The following ZNF701 variants were observed in gnomAD, a reference collection of about 807,000 sequenced individuals.
ZNF701 encodes the protein zinc finger protein 701.
In ZNF701, 6 loss-of-function variants were observed where a neutral mutation model predicts 7.1. The observed-to-expected ratio is 0.84, with a 90% CI of 0.46 to 1.66. ZNF701 has a LOEUF of 1.66. Ranked by LOEUF, ZNF701 falls within the 40% of genes most tolerant of loss-of-function variation. The pLI is 0.01. For missense variants in ZNF701, 541 were observed against 559.2 expected (o/e 0.97, Z 0.33); for synonymous variants, 166 against 188.2 (o/e 0.88, Z 0.97).
At chr19:52,599,112 C>A in the ZNF701 span, among the ~76,000 whole-genome samples, 1 of 151,972 alleles carries the variant, frequency 6.6e-6, no homozygotes, top group African/African-American at 2.4e-5. Context: ...ACCACAACCT[C>A]CGTCTCCCGA....
chr19:52,587,604 T>A (rs776373414), downstream of ZNF701, among the ~76,000 whole-genome samples: 20 of 152,244 alleles, frequency 1.3e-4, no homozygotes, highest in Non-Finnish European at 2.2e-4. Context: ...TGTTGCCTGT[T>A]CTGTGTGATT....
Position 52,583,294 on chromosome 19 carries a change from G to C in ZNF701, c.1235G>C (p.Cys412Ser). 1.2e-6 allele frequency: 2 copies of C among 1,613,822 alleles called. No individual in the cohort carries two copies. Among genetic ancestry groups the C allele is most frequent in the Non-Finnish European group, 1.7e-6 (2 of 1,179,846 alleles). The change falls in exon 4 of 4, where the codon TGT becomes TCT. Residue 412 changes from cysteine to serine, a missense_variant. Transcript: ENST00000391785. ...VIHTGEKRYK[C>S]NECGKVFNHK... Reference sequence around the variant, plus strand: ...CATACTGGAGAGAAACGTTACAAGTGTAATGAATGTGGCAAGGTTTTTAAT... The same window carrying C: ...CATACTGGAGAGAAACGTTACAAGTCTAATGAATGTGGCAAGGTTTTTAAT...
chr19:52,587,506 A>G (rs938971958), downstream of ZNF701, among the ~76,000 whole-genome samples: 3 of 151,888 alleles, frequency 2.0e-5, no homozygotes, highest in South Asian at 2.1e-4. Context: ...CTTTGTTCTG[A>G]TATTACTTTC....
In ZNF701 at chr19:52,582,831, C is replaced by G. The variant is rs561925183; in HGVS notation, c.772C>G (p.Leu258Val). ...CAAGGACTTTCATCAGAAGCGATAC[C>G]TTGCATGCCATAGATGTCACACTGG... ...CGKDFHQKRYLACHRCHTGEN... is the reference protein window; with the variant it reads ...CGKDFHQKRYVACHRCHTGEN... The change falls in exon 4 of 4, where the codon CTT becomes GTT. Residue 258 changes from leucine (L) to valine (V), a missense_variant. Leu to Val is a conservative substitution (Grantham distance 32, BLOSUM62 1). Coordinates refer to ENST00000391785, the MANE Select transcript of ZNF701 (RefSeq NM_018260.3). 3 of 1,614,124 alleles carry G rather than the reference C, an allele frequency of 1.9e-6. No homozygotes were observed. The highest frequency in any genetic ancestry group is 1.7e-5 in the Admixed American group (1 of 60,006).
Position 52,582,274 on chromosome 19 carries a change from G to A in ZNF701, c.215G>A (p.Gly72Glu), listed in dbSNP as rs1481342413. Residue 72 changes from glycine to glutamate, a missense_variant, in exon 4 of 4, where the codon GGG becomes GAG. Transcript: ENST00000391785. ...GGCAATACAGAAGTGGTCCACACAGGGACATTGCAAATACATGCAAGTCAT... is the reference window on the plus strand; with the variant it reads ...GGCAATACAGAAGTGGTCCACACAGAGACATTGCAAATACATGCAAGTCAT... ...GQGNTEVVHTGTLQIHASHHI... is the reference protein window; with the variant it reads ...GQGNTEVVHTETLQIHASHHI... 6.2e-7 allele frequency: 1 copy of A among 1,613,010 alleles called. No individual in the cohort carries two copies. The highest frequency in any genetic ancestry group is 8.5e-7 in the Non-Finnish European group (1 of 1,179,444).
the ZNF701 span, among the ~76,000 whole-genome samples, chr19:52,600,063 A>G: frequency 6.6e-6 from 1 of 152,170 alleles, no homozygotes; most frequent in Non-Finnish European, 1.5e-5. Flanking sequence ...GAAGCATCTG[A>G]TTTCAAACTC....
intron 3 of ZNF701, among the ~76,000 whole-genome samples, chr19:52,580,681 C>T (rs1166934792): frequency 6.6e-6 from 1 of 152,126 alleles, no homozygotes; most frequent in Non-Finnish European, 1.5e-5. Flanking sequence ...TACAATTCTG[C>T]AGGCTGCATA....
chr19:52,593,893 G>A, the ZNF701 span, among the ~76,000 whole-genome samples: 2 of 116,750 alleles, frequency 1.7e-5, no homozygotes, highest in East Asian at 4.5e-4. Context: ...AGGCAGAGAC[G>A]CTCCTCACTT....
In ZNF701 at chr19:52,582,254, T is replaced by G; in HGVS notation, c.195T>G (p.Asn65Lys). The change falls in exon 4 of 4, where the codon AAT becomes AAG. Residue 65 changes from asparagine (N) to lysine (K), a missense_variant. Transcript: ENST00000391785. ...TGTTCTCATCAACAGGACAAGGCAATACAGAAGTGGTCCACACAGGGACAT... is the reference window on the plus strand; with the variant it reads ...TGTTCTCATCAACAGGACAAGGCAAGACAGAAGTGGTCCACACAGGGACAT... ...MKMFSSTGQG[N>K]TEVVHTGTLQ... 1 of 1,608,868 alleles carries G rather than the reference T, an allele frequency of 6.2e-7. No homozygotes were observed. Among genetic ancestry groups the G allele is most frequent in the Non-Finnish European group, 8.5e-7 (1 of 1,177,544 alleles).
At chr19:52,575,755 TGTG>T (rs2059930406) in intron 2 of ZNF701, 137 bp from the exon 3 acceptor site, 6 of 590,474 alleles carry the variant, frequency 1.0e-5, no homozygotes, top group Non-Finnish European at 1.7e-5. Context: ...GAAGACATCA[TGTG>T]GTGAAGAATC....
chr19:52,575,753 C>A (rs762566295), intron 2 of ZNF701, 142 bp from the exon 3 acceptor site: 8 of 588,822 alleles, frequency 1.4e-5, no homozygotes, highest in Non-Finnish European at 2.3e-5. Context: ...GGGAAGACAT[C>A]ATGTGGTGAA....
downstream of ZNF701, among the ~76,000 whole-genome samples, chr19:52,591,135 G>A (rs1391215081): frequency 6.6e-6 from 1 of 151,854 alleles, no homozygotes; most frequent in African/African-American, 2.4e-5. Context: ...ACCACGCCTG[G>A]CCAAGCCCAT....
chr19:52,572,465 C>A, intron 1 of ZNF701: 1 of 1,211,298 alleles, frequency 8.3e-7, no homozygotes, highest in South Asian at 1.4e-5. Flanking sequence ...GGCATCAGAA[C>A]TTGCAAAGGA....
chr19:52,582,226 A>T lies in ZNF701; in HGVS notation c.167A>T (p.Lys56Met), dbSNP rs1403253676. 2 of 1,585,584 alleles carry T rather than the reference A, an allele frequency of 1.3e-6. No homozygotes were observed. The highest frequency in any genetic ancestry group is 2.7e-5 in the African/African-American group (2 of 73,784). ...GATACCTCTTCCAAATGCATGATGA[A>T]GATGTTCTCATCAACAGGACAAGGC... ...SLDTSSKCMM[K>M]MFSSTGQGNT... The change falls in exon 4 of 4, where the codon AAG becomes ATG. Residue 56 changes from lysine (K) to methionine (M), a missense_variant. Physicochemically the swap from Lys to Met is moderately conservative, Grantham distance 95. Coordinates refer to ENST00000391785, the MANE Select transcript of ZNF701 (RefSeq NM_018260.3).
chr19:52,583,677 A>T lies in ZNF701; in HGVS notation c.*220A>T. 1 of 939,034 alleles carries T rather than the reference A, an allele frequency of 1.1e-6. No individual in the cohort carries two copies. Among genetic ancestry groups the T allele is most frequent in the East Asian group, 2.4e-5 (1 of 41,624 alleles). 58.2% of individuals were successfully genotyped at this position (939,034 alleles called of 1,614,324 possible). A position where few individuals can be genotyped will look rare whatever the true frequency, so the allele number is the denominator to read the frequency against. On this transcript the variant is annotated 3_prime_UTR_variant, in exon 4 of 4. Transcript: ENST00000391785. ...GTGTGATTCACACCTGGCCCAACAT[A>T]CTGGAATTCACACTGGAAAGGAACT...
rs1311564801 is a variant in ZNF701 at position 52,584,135 on chromosome 19, T to C, written c.*678T>C. 2 of 336,186 alleles carry C rather than the reference T, an allele frequency of 5.9e-6. No individual in the cohort carries two copies. Among genetic ancestry groups the C allele is most frequent in the Admixed American group, 7.6e-5 (2 of 26,490 alleles). The allele number at this position is 336,186 out of a possible 1,614,324, so 20.8% of individuals were successfully genotyped here. A position where few individuals can be genotyped will look rare whatever the true frequency, so the allele number is the denominator to read the frequency against. On this transcript the variant is annotated 3_prime_UTR_variant, in exon 4 of 4. Coordinates refer to ENST00000391785, the MANE Select transcript of ZNF701 (RefSeq NM_018260.3). ...GGACAGAAATCTTACAAACGTCCTA[T>C]GTGTGGCAAGGTCTTCAGTCCGAGG...
the ZNF701 span, chr19:52,597,415 A>T: frequency 1.9e-6 from 1 of 520,014 alleles, no homozygotes; most frequent in East Asian, 5.3e-5. Flanking sequence ...CATTTTTGAG[A>T]TAACTGTTCC....
At chr19:52,596,422 CAGG>C in the ZNF701 span, 1 of 389,990 alleles carries the variant, frequency 2.6e-6, no homozygotes, top group South Asian at 1.9e-5. Context: ...TTGAAACACA[CAGG>C]AGAATTCATA....
downstream of ZNF701, chr19:52,588,496 A>G (rs2060024150): frequency 3.8e-6 from 1 of 264,508 alleles, no homozygotes; most frequent in Non-Finnish European, 7.5e-6. Flanking sequence ...AAAAAAAAAA[A>G]AAGAAAAATT....
Sources: allele counts gnomAD v4.1 joint callset (sites outside exome capture counted in the v4.1 genomes callset), GRCh38; gene constraint gnomAD v4.1.1; transcripts MANE v1.5; gene names NCBI Gene and HGNC (gene_info 2026-07-23, HGNC 2026-07-21).